The following MIAT variants were observed in gnomAD, a reference collection of about 807,000 sequenced individuals.
MIAT encodes myocardial infarction associated transcript, also known as MI related novel mRNA.
intron 2 of MIAT, among the ~76,000 whole-genome samples, chr22:26,649,776 G>A (rs11913458): frequency 0.13 from 19,791 of 152,212 alleles, 1,341 homozygotes; most frequent in East Asian, 0.16. Flanking sequence ...AGCTGGGTGT[G>A]GTGGCATGCG....
chr22:26,672,266 C>T (rs1373101708), downstream of MIAT: 2 of 398,980 alleles, frequency 5.0e-6, no homozygotes, highest in Non-Finnish European at 8.8e-6. Flanking sequence ...GGGGGCTGGT[C>T]CCCCTCCTTT....
At chr22:26,670,602 T>TTTAAA, downstream of MIAT, 2 of 308,104 alleles carry the variant, frequency 6.5e-6, no homozygotes, top group East Asian at 4.1e-5. Flanking sequence ...CATTGCTCCT[T>TTTAAA]AAAAAAAAAA....
At chr22:26,673,183 G>T (rs1397301845), downstream of MIAT, 1 of 398,682 alleles carries the variant, frequency 2.5e-6, no homozygotes, top group Non-Finnish European at 4.4e-6. Flanking sequence ...TCCCGCAGAT[G>T]CTCAGGCCGG....
At chr22:26,661,376 C>T (rs1930655236) in intron 2 of MIAT, among the ~76,000 whole-genome samples, 3 of 152,160 alleles carry the variant, frequency 2.0e-5, no homozygotes, top group Admixed American at 2.0e-4. Context: ...CAGGTGTCCC[C>T]TTATCCCTTG....
intron 2 of MIAT, among the ~76,000 whole-genome samples, chr22:26,662,189 T>C (rs1431633924): frequency 6.6e-6 from 1 of 151,980 alleles, no homozygotes; most frequent in Non-Finnish European, 1.5e-5. Flanking sequence ...ACTCCTGGCC[T>C]CAAGCAATTC....
exon 5 of MIAT, chr22:26,676,222 C>T (rs1931260218): frequency 5.0e-6 from 2 of 396,502 alleles, no homozygotes; most frequent in Non-Finnish European, 8.9e-6. Flanking sequence ...TGGTTCCATT[C>T]CATCAAAGGC....
downstream of MIAT, chr22:26,672,487 C>T (rs560371703): frequency 2.5e-6 from 1 of 399,402 alleles, no homozygotes; most frequent in East Asian, 3.6e-5. Flanking sequence ...AGTCTGGTTG[C>T]CACTGGGAGT....
downstream of MIAT, chr22:26,671,319 C>T (rs1481420670): frequency 2.5e-6 from 1 of 398,568 alleles, no homozygotes; most frequent in Non-Finnish European, 4.4e-6. Flanking sequence ...GAGTTAGACC[C>T]CCTGCCCTGG....
chr22:26,668,353 G>C (rs530941418), exon 6 of MIAT: 37 of 398,740 alleles, frequency 9.3e-5, no homozygotes, highest in Admixed American at 2.2e-4. Flanking sequence ...AACTCTTCCT[G>C]GTTGATGCTC....
At chr22:26,661,939 T>TAGATCC (rs1555948801) in intron 2 of MIAT, among the ~76,000 whole-genome samples, 15 of 36,246 alleles carry the variant, frequency 4.1e-4, no homozygotes, top group Admixed American at 9.4e-4. Context: ...TATATATATA[T>TAGATCC]ATATATATAT....
rs532797829 is a variant in MIAT at position 26,665,476 on chromosome 22, A to G, written n.730-55A>G. The G allele has an allele frequency of 1.3e-3, 507 of 398,710 alleles. 1 individual carries two copies. Among genetic ancestry groups the G allele is most frequent in the African/African-American group, 9.4e-3 (456 of 48,740 alleles). The allele number at this position is 398,710 out of a possible 1,614,324, so 24.7% of individuals were successfully genotyped here. A position where few individuals can be genotyped will look rare whatever the true frequency, so the allele number is the denominator to read the frequency against. On this transcript the variant is annotated intron_variant and non_coding_transcript_variant, in intron 3 of 5. Coordinates refer to ENST00000643270, the Ensembl canonical transcript of MIAT. ...CTCTAGGTCCACAGAACGAGGGGAA[A>G]GGGTCACTGTGGATCAAGCCAGGCT...
chr22:26,646,841 T>C lies in MIAT; in HGVS notation n.390T>C, dbSNP rs1357257159. On this transcript the variant is annotated non_coding_transcript_exon_variant, in exon 1 of 6. Coordinates refer to ENST00000643270, the Ensembl canonical transcript of MIAT. ...TGAGGGTGGTGTGGGAGTCGGCCTC[T>C]GTGTCTGCAGAGAGGACCACAGGCC... 5 of 398,510 alleles carry C rather than the reference T, an allele frequency of 1.3e-5. No homozygotes were observed. The Admixed American group carries it at 2.2e-4, about 18-fold the overall frequency. The allele number at this position is 398,510 out of a possible 1,614,324, so 24.7% of individuals were successfully genotyped here. A position where few individuals can be genotyped will look rare whatever the true frequency, so the allele number is the denominator to read the frequency against.
exon 6 of MIAT, chr22:26,668,630 A>G (rs1451521769): frequency 2.5e-6 from 1 of 399,172 alleles, no homozygotes; most frequent in Non-Finnish European, 4.4e-6. Context: ...GACAGGAACA[A>G]GGATGGGAGT....
chr22:26,671,026 G>A (rs954174572), downstream of MIAT: 3 of 398,206 alleles, frequency 7.5e-6, no homozygotes, highest in Non-Finnish European at 1.3e-5. Context: ...CCTGACAGTC[G>A]GTGATGGAAG....
Position 26,667,333 on chromosome 22 carries a change from A to AGTGTGTGTGTGTGTGTGT in MIAT, n.2262+27_2262+44dup, listed in dbSNP as rs61442362. ...GGGGTGAGCTCCTCGTCCTGGGAGC[A>AGTGTGTGTGTGTGTGTGT]GTGTGTGTGTGTGTGTGTGTGCGTG... is the stretch of plus-strand genomic sequence containing the variant. On this transcript the variant is annotated intron_variant and non_coding_transcript_variant, in intron 5 of 5. Transcript: ENST00000643270. The AGTGTGTGTGTGTGTGTGT allele has an allele frequency of 1.5e-3, 574 of 390,884 alleles. 2 individuals carry two copies. The highest frequency in any genetic ancestry group is 0.011 in the African/African-American group (510 of 47,616). 24.2% of individuals were successfully genotyped at this position (390,884 alleles called of 1,614,324 possible). A position where few individuals can be genotyped will look rare whatever the true frequency, so the allele number is the denominator to read the frequency against.
chr22:26,668,304 C>A (rs996539882), exon 6 of MIAT: 9 of 398,532 alleles, frequency 2.3e-5, no homozygotes, highest in Non-Finnish European at 4.0e-5. Flanking sequence ...AGATCTCATC[C>A]TCTTCACACC....
chr22:26,668,427 C>T (rs1197038859), exon 6 of MIAT: 1 of 398,714 alleles, frequency 2.5e-6, no homozygotes, highest in Non-Finnish European at 4.4e-6. Context: ...TGGCAGCCCA[C>T]TACTCCCTCC....
At chr22:26,672,936 C>T, downstream of MIAT, 4 of 398,652 alleles carry the variant, frequency 1.0e-5, no homozygotes, top group Admixed American at 1.3e-4. Context: ...AGGAAGTCAG[C>T]TAGAGAGCCG....
chr22:26,664,081 G>A (rs1443956773), intron 3 of MIAT, among the ~76,000 whole-genome samples: 2 of 146,238 alleles, frequency 1.4e-5, no homozygotes, highest in South Asian at 2.2e-4. Context: ...GAGCCATCTC[G>A]GCTCACTGCA....
Sources: allele counts gnomAD v4.1 joint callset (sites outside exome capture counted in the v4.1 genomes callset), GRCh38; gene constraint gnomAD v4.1.1; transcripts MANE v1.5; gene names NCBI Gene and HGNC (gene_info 2026-07-23, HGNC 2026-07-21).